The following LRP2 variants were observed in gnomAD, a reference collection of about 807,000 sequenced individuals.
LRP2 encodes low-density lipoprotein receptor-related protein 2.
Under a neutral mutation model 531.0 loss-of-function variants are expected in LRP2, and 172 were observed. The observed-to-expected ratio is 0.32, with a 90% CI of 0.29 to 0.37. The LOEUF (loss-of-function observed/expected upper bound fraction) is 0.37, where lower values mean the gene tolerates loss of function less well. Among genes scored for constraint, LRP2 ranks in the 10% least tolerant of loss-of-function variants. The probability of loss-of-function intolerance (pLI) is 1.00; values close to 1 mark genes in which losing one functional copy is unlikely to be tolerated. For synonymous variants in LRP2, 1,992 were observed against 2,027.6 expected (o/e 0.98, Z 0.47); for missense variants, 5,167 against 5,868.3 (o/e 0.88, Z 3.90).
chr2:169,289,070 G>A lies in LRP2; in HGVS notation c.998C>T (p.Pro333Leu). 6.2e-7 allele frequency: 1 copy of A among 1,614,042 alleles called. No individual in the cohort carries two copies. Among genetic ancestry groups the A allele is most frequent in the Non-Finnish European group, 8.5e-7 (1 of 1,179,968 alleles). The change falls in exon 9 of 79, where the codon CCC (proline) becomes CTC (leucine). Residue 333 changes from proline (P) to leucine (L), a missense_variant. Around this residue, in one of 6 missense-constraint regions of LRP2, gnomAD observed 2,811 missense variants for 3,058.0 expected, o/e 0.92. Transcript: ENST00000649046. ...ETPYGGACFC[P>L]PGYIINHNDS... Reference sequence around the variant, plus strand: ...ATTGTGGTTGATGATATAACCTGGGGGACAAAAACACGCTCCTCCATACGG... The same window carrying A: ...ATTGTGGTTGATGATATAACCTGGGAGACAAAAACACGCTCCTCCATACGG...
chr2:169,310,922 A>T (rs1485756153), intron 3 of LRP2, among the ~76,000 whole-genome samples: 7 of 152,154 alleles, frequency 4.6e-5, no homozygotes, highest in African/African-American at 1.7e-4. Context: ...TTCCTGGTTT[A>T]GTCTTGGGAG....
intron 4 of LRP2, among the ~76,000 whole-genome samples, chr2:169,304,526 T>C (rs960184338): frequency 4.6e-5 from 7 of 152,190 alleles, no homozygotes; most frequent in Middle Eastern, 3.2e-3. Context: ...TTTATCATTA[T>C]TATTAATCAA....
At chr2:169,203,053 T>A in intron 42 of LRP2, 94 bp from the exon 43 acceptor site, 1 of 980,650 alleles carries the variant, frequency 1.0e-6, no homozygotes, top group Non-Finnish European at 1.6e-6. Flanking sequence ...GCTTCTACAT[T>A]AAATGCTCCC....
At chr2:169,134,219 A>G (rs1389244933) in intron 76 of LRP2, among the ~76,000 whole-genome samples, 2 of 151,964 alleles carry the variant, frequency 1.3e-5, no homozygotes, top group African/African-American at 2.4e-5. Flanking sequence ...TAATACTTTT[A>G]GAGGCCCTAA....
Position 169,207,181 on chromosome 2 carries a change from T to C in LRP2, c.6539A>G (p.Tyr2180Cys). The change falls in exon 39 of 79, where the codon TAC becomes TGC. Residue 2180 changes from tyrosine (Y) to cysteine (C), a missense_variant. Tyr to Cys is a radical substitution (Grantham distance 194). This residue lies in a region of LRP2 where 2,811 missense variants were observed against 3,058.0 expected (regional missense o/e 0.92). Coordinates refer to ENST00000649046, the MANE Select transcript of LRP2 (RefSeq NM_004525.3). ...LIEVLRINTT[Y>C]RRVLLKVTVD... Reference sequence around the variant, plus strand: ...TGTGACTTTAAGAAGAACACGGCGGTAAGTAGTATTGATCCGCAGAACTTC... The same window carrying C: ...TGTGACTTTAAGAAGAACACGGCGGCAAGTAGTATTGATCCGCAGAACTTC... 1 of 1,613,778 alleles carries C rather than the reference T, an allele frequency of 6.2e-7. No homozygotes were observed. The highest frequency in any genetic ancestry group is 1.1e-5 in the South Asian group (1 of 90,970).
chr2:169,184,178 G>T (rs1265358761), intron 50 of LRP2, among the ~76,000 whole-genome samples: 1 of 152,154 alleles, frequency 6.6e-6, no homozygotes, highest in African/African-American at 2.4e-5. Context: ...TTTTTCTGCA[G>T]TGGAACAAAG....
In LRP2 at chr2:169,206,130, A is replaced by G; in HGVS notation, c.7449T>C (p.Ser2483=). 1 of 1,614,210 alleles carries G rather than the reference A, an allele frequency of 6.2e-7. No homozygotes were observed. Among genetic ancestry groups the G allele is most frequent in the East Asian group, 2.2e-5 (1 of 44,886 alleles). The stretch of plus-strand genomic sequence containing the variant: ...AATTAATCATCTGGTTGAGGTAGTC[A>G]CTGTAATAAATTCTTCTAGTAATCC... ...FDWITRRIYY[S]DYLNQMINSM... is the part of the protein sequence containing the mutation. The change falls in exon 40 of 79, where the codon AGT becomes AGC. Residue 2483 remains serine, a synonymous_variant. Transcript: ENST00000649046.
chr2:169,338,393 AAAGAAAGAAAG>A lies in LRP2; in HGVS notation c.80-17520_80-17510del, dbSNP rs747258519. Among the ~76,000 whole-genome samples the A allele has an allele frequency of 5.2e-3, 658 of 127,708 alleles. 1 individual carries two copies. The highest frequency in any genetic ancestry group is 7.1e-3 in the Non-Finnish European group (426 of 60,270). The allele number at this position is 127,708 out of a possible 152,430, so 83.8% of individuals were successfully genotyped here. A position where few individuals can be genotyped will look rare whatever the true frequency, so the allele number is the denominator to read the frequency against. On this transcript the variant is annotated intron_variant, in intron 1 of 78. Coordinates refer to ENST00000649046, the MANE Select transcript of LRP2 (RefSeq NM_004525.3). The stretch of plus-strand genomic sequence containing the variant: ...GAAAGAAAGAAAGAAAGAAAGAAAG[AAAGAAAGAAAG>A]AAAGAAAAGAAAAGAAAAGAAAAAA...
intron 19 of LRP2, among the ~76,000 whole-genome samples, chr2:169,255,535 T>A (rs1690270283): frequency 6.6e-6 from 1 of 152,044 alleles, no homozygotes; most frequent in Non-Finnish European, 1.5e-5. Context: ...GAAAAAAAAT[T>A]ATGTCTTGCT....
At chr2:169,313,437 C>A (rs949106423) in intron 3 of LRP2, among the ~76,000 whole-genome samples, 2 of 152,148 alleles carry the variant, frequency 1.3e-5, no homozygotes, top group Admixed American at 6.5e-5. Flanking sequence ...ACCATCAGGA[C>A]CCTCAGCTGC....
intron 14 of LRP2, among the ~76,000 whole-genome samples, chr2:169,274,077 G>A (rs1455130267): frequency 1.3e-5 from 2 of 152,132 alleles, no homozygotes; most frequent in East Asian, 3.9e-4. Flanking sequence ...TTACTTTGCA[G>A]TCTTTCTTCA....
chr2:169,291,594 T>C (rs551879082), intron 7 of LRP2, among the ~76,000 whole-genome samples: 1 of 152,308 alleles, frequency 6.6e-6, no homozygotes, highest in African/African-American at 2.4e-5. Flanking sequence ...GCTGATGATA[T>C]CAGCAACATA....
rs1276211018 is a variant in LRP2 at position 169,206,488 on chromosome 2, G to T, written c.7232C>A (p.Pro2411His). Residue 2411 changes from proline to histidine, a missense_variant, in exon 39 of 79, where the codon CCT becomes CAT. Transcript: ENST00000649046. ...LHLDPENHSP[P>H]FQTINVERTV... ...TCTTTCCACATTTATTGTTTGGAAAGGTGGGCTATGGTTTTCAGGGTCCAA... is the reference window on the plus strand; with the variant it reads ...TCTTTCCACATTTATTGTTTGGAAATGTGGGCTATGGTTTTCAGGGTCCAA... 6.2e-7 allele frequency: 1 copy of T among 1,614,184 alleles called. No homozygotes were observed. Among genetic ancestry groups the T allele is most frequent in the Non-Finnish European group, 8.5e-7 (1 of 1,180,030 alleles).
intron 37 of LRP2, among the ~76,000 whole-genome samples, chr2:169,210,896 C>A (rs1342613568): frequency 6.6e-6 from 1 of 152,168 alleles, no homozygotes; most frequent in East Asian, 1.9e-4. Flanking sequence ...CATGTACACA[C>A]ACACACATAC....
At chr2:169,223,834 C>G (rs1689103659) in intron 33 of LRP2, among the ~76,000 whole-genome samples, 1 of 152,216 alleles carries the variant, frequency 6.6e-6, no homozygotes, top group Admixed American at 6.5e-5. Flanking sequence ...AAATTTCCCT[C>G]TCATCACAAA....
chr2:169,272,879 A>G, intron 15 of LRP2, 48 bp downstream of exon 15: 1 of 1,612,596 alleles, frequency 6.2e-7, no homozygotes, highest in South Asian at 1.1e-5. Flanking sequence ...GTTTGGACAC[A>G]CATACACCTG....
intron 1 of LRP2, among the ~76,000 whole-genome samples, chr2:169,330,646 T>C (rs930600152): frequency 1.3e-5 from 2 of 152,144 alleles, no homozygotes; most frequent in African/African-American, 4.8e-5. Flanking sequence ...ACTGTCCTGG[T>C]CAAAGCAGTA....
At chr2:169,333,042 C>G (rs1685307527) in intron 1 of LRP2, among the ~76,000 whole-genome samples, 1 of 152,012 alleles carries the variant, frequency 6.6e-6, no homozygotes, top group African/African-American at 2.4e-5. Context: ...AGCAAGAGTG[C>G]CAAAAGATTT....
intron 16 of LRP2, 66 bp downstream of exon 16, chr2:169,270,838 A>G: frequency 9.2e-7 from 1 of 1,081,470 alleles, no homozygotes; most frequent in South Asian, 1.5e-5. Flanking sequence ...TCAAGTTGTA[A>G]GTATCATTAC....
Sources: allele counts gnomAD v4.1 joint callset (sites outside exome capture counted in the v4.1 genomes callset), GRCh38; gene constraint gnomAD v4.1.1; regional missense constraint gnomAD v4.1.1; transcripts MANE v1.5; gene names NCBI Gene and HGNC (gene_info 2026-07-23, HGNC 2026-07-21).